The following ADAMTS12 variants were observed in gnomAD, a reference collection of about 807,000 sequenced individuals.
The protein encoded by ADAMTS12 is ADAM metallopeptidase with thrombospondin type 1 motif 12.
A neutral mutation model predicts 167.8 loss-of-function variants in ADAMTS12; 118 were observed. The observed-to-expected ratio is 0.70, with a 90% CI of 0.61 to 0.82. The LOEUF (loss-of-function observed/expected upper bound fraction) is 0.82, where lower values mean the gene tolerates loss of function less well. Ranked by LOEUF, ADAMTS12 falls within the 40% of genes least tolerant of loss-of-function variation. The pLI is 0.00. For missense variants in ADAMTS12, 1,916 were observed against 1,998.8 expected (o/e 0.96, Z 0.79); for synonymous variants, 704 against 716.9 (o/e 0.98, Z 0.29).
chr5:33,531,430 C>A (rs1744097806), intron 23 of ADAMTS12, among the ~76,000 whole-genome samples: 1 of 152,194 alleles, frequency 6.6e-6, no homozygotes, highest in Non-Finnish European at 1.5e-5. Context: ...TTGATATATA[C>A]TATACCATTT....
At chr5:33,852,347 T>C (rs920714835) in intron 2 of ADAMTS12, among the ~76,000 whole-genome samples, 6 of 152,216 alleles carry the variant, frequency 3.9e-5, no homozygotes, top group African/African-American at 1.4e-4. Flanking sequence ...TAGTATCTGA[T>C]GACCCACTAA....
At chr5:33,826,127 T>C (rs570160485) in intron 2 of ADAMTS12, among the ~76,000 whole-genome samples, 1 of 152,296 alleles carries the variant, frequency 6.6e-6, no homozygotes, top group South Asian at 2.1e-4. Flanking sequence ...TACTCCTAGA[T>C]GATTTGTTGG....
At position 33,648,830 on chromosome 5, in the gene ADAMTS12, C is replaced by T. The variant is rs768629098; in HGVS notation, c.1471G>A (p.Glu491Lys). 20 of 1,613,922 alleles carry T rather than the reference C, an allele frequency of 1.2e-5. No homozygotes were observed. In the South Asian group the frequency reaches 2.1e-4, roughly 17 times the overall value. ...CCAAGAGGTACACTTACTTCTACTT[C>T]CTGGCAGAAGGTAGCATTGGGTCCA... Reference protein sequence around the residue: ...QYGPNATFCQEVENVCQTLWC... With the variant: ...QYGPNATFCQKVENVCQTLWC... Residue 491 changes from glutamate to lysine, a missense_variant, in exon 9 of 24, where the codon GAA becomes AAA. Glu to Lys is a moderately conservative substitution (Grantham distance 56). Transcript: ENST00000504830.
At position 33,683,951 on chromosome 5, in the gene ADAMTS12, A is replaced by G. The variant is rs763379839; in HGVS notation, c.739T>C (p.Trp247Arg). 1.2e-6 allele frequency: 2 copies of G among 1,612,602 alleles called. No individual in the cohort carries two copies. The highest frequency in any genetic ancestry group is 2.2e-5 in the East Asian group (1 of 44,746). Reference protein sequence around the residue: ...LSRRSISKERWVETLVVADTK... With the variant: ...LSRRSISKERRVETLVVADTK... ...TCGGCCACCACCAGTGTCTCCACCC[A>G]TCTCTCCTTGCTGATGGAACGCCGA... Residue 247 changes from tryptophan (W) to arginine (R), a missense_variant, in exon 4 of 24, where the codon TGG becomes CGG. By Grantham distance (101) the Trp-to-Arg change is moderately radical (BLOSUM62 -3). Coordinates refer to ENST00000504830, the MANE Select transcript of ADAMTS12 (RefSeq NM_030955.4).
In ADAMTS12 at chr5:33,817,532, CCTCCATGTA is replaced by C. The variant is rs554212163; in HGVS notation, c.489+63578_489+63586del. ...TACAAAAATAGAATGGTATAATGAA[CCTCCATGTA>C]CTCCTCACCCATTTTCAGCAATGAT... On this transcript the variant is annotated intron_variant, in intron 2 of 23. Transcript: ENST00000504830. 9.2e-5 allele frequency among the ~76,000 whole-genome samples: 14 copies of C among 152,136 alleles called. No individual in the cohort carries two copies. The South Asian group carries it at 2.9e-3, about 32-fold the overall frequency.
At chr5:33,531,030 AGAG>A (rs1397238280) in intron 23 of ADAMTS12, among the ~76,000 whole-genome samples, 9 of 152,240 alleles carry the variant, frequency 5.9e-5, no homozygotes, top group Non-Finnish European at 2.9e-5. Context: ...CCTTATAAAA[AGAG>A]GAGAAGAGAC....
At chr5:33,835,146 A>G (rs1280365735) in intron 2 of ADAMTS12, among the ~76,000 whole-genome samples, 5 of 152,216 alleles carry the variant, frequency 3.3e-5, no homozygotes, top group African/African-American at 7.2e-5. Context: ...TACTTGTCCA[A>G]GATGCACAGC....
Position 33,614,135 on chromosome 5 carries a change from C to T in ADAMTS12, c.2527+103G>A, listed in dbSNP as rs1738866681. ...CCCTGGCCATCTCAGTGGAGCCCTG[C>T]AGATCCATGGGCAGAGAGCACAAAG... On this transcript the variant is annotated intron_variant, in intron 16 of 23. Transcript: ENST00000504830. 9 of 1,441,318 alleles carry T rather than the reference C, an allele frequency of 6.2e-6. No homozygotes were observed. In the African/African-American group the frequency reaches 7.0e-5, roughly 11 times the overall value. 89.3% of individuals were successfully genotyped at this position (1,441,318 alleles called of 1,614,324 possible).
intron 3 of ADAMTS12, among the ~76,000 whole-genome samples, chr5:33,734,930 C>T (rs1273989190): frequency 1.3e-5 from 2 of 152,322 alleles, no homozygotes; most frequent in South Asian, 2.1e-4. Context: ...CCGGACATAC[C>T]TTACTGCAAG....
At chr5:33,565,503 G>A (rs1745968243) in intron 19 of ADAMTS12, among the ~76,000 whole-genome samples, 1 of 152,162 alleles carries the variant, frequency 6.6e-6, no homozygotes, top group Non-Finnish European at 1.5e-5. Flanking sequence ...AAGAGAGCAG[G>A]CACCAGGCCC....
chr5:33,886,971 G>T (rs1750657395), intron 1 of ADAMTS12, among the ~76,000 whole-genome samples: 1 of 151,946 alleles, frequency 6.6e-6, no homozygotes, highest in South Asian at 2.1e-4. Flanking sequence ...GGTTTTAAAG[G>T]TAGGAACTTG....
In ADAMTS12 at chr5:33,601,106, AGTGTGTGTGT is replaced by A. The variant is rs55841502; in HGVS notation, c.2528-5056_2528-5047del. Among the ~76,000 whole-genome samples the A allele has an allele frequency of 2.1e-3, 303 of 145,920 alleles. 1 individual carries two copies. Among genetic ancestry groups the A allele is most frequent in the African/African-American group, 7.3e-3 (288 of 39,660 alleles). On this transcript the variant is annotated intron_variant, in intron 16 of 23. Coordinates refer to ENST00000504830, the MANE Select transcript of ADAMTS12 (RefSeq NM_030955.4). ...CTATAGAAGCTCAAACACATTTAAG[AGTGTGTGTGT>A]GTGTGTGTGTGTGTGTGTGTGTGTG...
chr5:33,791,074 A>C (rs1746549201), intron 2 of ADAMTS12, among the ~76,000 whole-genome samples: 1 of 152,150 alleles, frequency 6.6e-6, no homozygotes, highest in South Asian at 2.1e-4. Context: ...CAGGAGATGG[A>C]GGACAAGGCC....
chr5:33,643,297 C>A, intron 10 of ADAMTS12, 81 bp downstream of exon 10: 1 of 1,414,266 alleles, frequency 7.1e-7, no homozygotes, highest in Non-Finnish European at 9.9e-7. Flanking sequence ...GAGAGAGTTG[C>A]CCTCTAGGGC....
intron 2 of ADAMTS12, among the ~76,000 whole-genome samples, chr5:33,836,810 G>T (rs1748544658): frequency 6.6e-6 from 1 of 152,184 alleles, no homozygotes. Flanking sequence ...AGAGCACGGA[G>T]CATCTAGGCC....
intron 5 of ADAMTS12, among the ~76,000 whole-genome samples, chr5:33,663,901 C>CACTTATAATTGTT (rs1357681042): frequency 6.6e-6 from 1 of 151,012 alleles, no homozygotes; most frequent in African/African-American, 2.5e-5. Flanking sequence ...ATAGTATTAC[C>CACTTATAATTGTT]ACTTATAATT....
chr5:33,643,351 ACCTCATTCCTCGG>A lies in ADAMTS12; in HGVS notation c.1572+14_1572+26del. The A allele has an allele frequency of 6.2e-7, 1 of 1,612,414 alleles. No homozygotes were observed. On this transcript the variant is annotated intron_variant, in intron 10 of 23. Coordinates refer to ENST00000504830, the MANE Select transcript of ADAMTS12 (RefSeq NM_030955.4). Reference sequence around the variant, plus strand: ...CAAGAACTCTGCCCACCGCCCTCCCACCTCATTCCTCGGCCTGACGCATCACCTTCTTCTCACC... The same window carrying A: ...CAAGAACTCTGCCCACCGCCCTCCCACCTGACGCATCACCTTCTTCTCACC...
At chr5:33,636,891 AT>A in intron 12 of ADAMTS12, among the ~76,000 whole-genome samples, 1 of 152,272 alleles carries the variant, frequency 6.6e-6, no homozygotes, top group Middle Eastern at 3.4e-3. Context: ...CAAGGCCGCT[AT>A]TCCATTCTCC....
At chr5:33,732,217 G>A (rs1269907702) in intron 3 of ADAMTS12, among the ~76,000 whole-genome samples, 5 of 152,034 alleles carry the variant, frequency 3.3e-5, no homozygotes, top group Admixed American at 6.5e-5. Flanking sequence ...AAATCCAATT[G>A]TAAACCACAT....
Sources: allele counts gnomAD v4.1 joint callset (sites outside exome capture counted in the v4.1 genomes callset), GRCh38; gene constraint gnomAD v4.1.1; transcripts MANE v1.5; gene names NCBI Gene and HGNC (gene_info 2026-07-23, HGNC 2026-07-21).